The following HYDIN variants were observed in gnomAD, a reference collection of about 807,000 sequenced individuals.
HYDIN encodes the protein axonemal central pair apparatus protein HYDIN.
In HYDIN, 132 loss-of-function variants were observed where a neutral mutation model predicts 403.9. That is an observed-to-expected ratio of 0.33 (90% CI 0.28 to 0.38). HYDIN has a LOEUF of 0.38. Ranked by LOEUF, HYDIN falls within the 10% of genes least tolerant of loss-of-function variation. The pLI, the probability that HYDIN is intolerant of heterozygous loss-of-function variation, is 1.00. For synonymous variants in HYDIN, 1,202 were observed against 1,891.7 expected (o/e 0.64, Z 9.46); for missense variants, 2,827 against 5,009.5 (o/e 0.56, Z 13.15).
At chr16:71,145,258 T>A (rs78821655) in intron 7 of HYDIN, among the ~76,000 whole-genome samples, 1 of 139,776 alleles carries the variant, frequency 7.2e-6, no homozygotes, top group African/African-American at 2.7e-5. Context: ...GAATGATTAA[T>A]TTTTTTTTTT....
intron 18 of HYDIN, among the ~76,000 whole-genome samples, chr16:71,035,843 C>T (rs2081067434): frequency 6.6e-6 from 1 of 152,064 alleles, no homozygotes; most frequent in South Asian, 2.1e-4. Flanking sequence ...TCCATATTGA[C>T]ATCCAGCTGG....
intron 15 of HYDIN, chr16:71,066,754 G>C (rs2082283574): frequency 2.6e-6 from 1 of 384,230 alleles, no homozygotes; most frequent in African/African-American, 2.1e-5. Context: ...AAAAGAGAGA[G>C]GAGTTGGAGA....
At chr16:71,106,276 T>A (rs886512413) in intron 10 of HYDIN, among the ~76,000 whole-genome samples, 7 of 152,136 alleles carry the variant, frequency 4.6e-5, no homozygotes, top group Non-Finnish European at 8.8e-5. Context: ...TGCTTCTTCA[T>A]GTATTTTCAC....
At chr16:70,870,588 A>G (rs9930959) in intron 65 of HYDIN, among the ~76,000 whole-genome samples, 12,167 of 151,868 alleles carry the variant, frequency 0.08, 1,693 homozygotes, top group African/African-American at 0.28. Context: ...GGTGCACAGA[A>G]GTCAAGAATT....
intron 6 of HYDIN, among the ~76,000 whole-genome samples, chr16:71,156,594 G>A (rs2085777738): frequency 6.6e-6 from 1 of 152,140 alleles, no homozygotes; most frequent in Admixed American, 6.6e-5. Context: ...GAAAAATCAT[G>A]AGCCATGAGA....
chr16:71,041,897 GC>G (rs2081298359), intron 18 of HYDIN, among the ~76,000 whole-genome samples: 1 of 152,172 alleles, frequency 6.6e-6, no homozygotes, highest in Admixed American at 6.5e-5. Flanking sequence ...CTCTCTTGCT[GC>G]AGTCTCATTC....
chr16:71,188,072 C>T (rs1407183481), intron 1 of HYDIN, among the ~76,000 whole-genome samples: 1 of 152,182 alleles, frequency 6.6e-6, no homozygotes, highest in Non-Finnish European at 1.5e-5. Context: ...TATAGCCCCA[C>T]CCTTAACCAC....
intron 10 of HYDIN, among the ~76,000 whole-genome samples, chr16:71,106,287 A>G (rs1008960323): frequency 2.0e-5 from 3 of 152,132 alleles, no homozygotes; most frequent in Non-Finnish European, 4.4e-5. Flanking sequence ...GTATTTTCAC[A>G]AAGTATTTCC....
At chr16:70,888,184 C>A (rs1185644518) in intron 58 of HYDIN, among the ~76,000 whole-genome samples, 13 of 152,244 alleles carry the variant, frequency 8.5e-5, no homozygotes, top group Non-Finnish European at 1.9e-4. Context: ...ATAATTCTAA[C>A]ACCTCTCTCA....
At chr16:70,851,472 G>C (rs1366644305) in intron 73 of HYDIN, among the ~76,000 whole-genome samples, 4 of 148,104 alleles carry the variant, frequency 2.7e-5, no homozygotes, top group African/African-American at 5.3e-5. Flanking sequence ...AACGTATAAA[G>C]AAATGCTTCA....
Position 71,184,910 on chromosome 16 carries a change from T to C in HYDIN, c.216A>G (p.Pro72=), listed in dbSNP as rs2087073600. The change falls in exon 3 of 86, where the codon CCA becomes CCG. Residue 72 remains proline, a synonymous_variant. Coordinates refer to ENST00000393567, the MANE Select transcript of HYDIN (RefSeq NM_001270974.2). The stretch of plus-strand genomic sequence containing the variant: ...CCATATCTAAGAGTTCGATGATCTG[T>C]GGTCGGCACATCAAACGTGTTTTTG... ...RLAKTRLMCR[P]QIIELLDMGE... 2 of 1,610,866 alleles carry C rather than the reference T, an allele frequency of 1.2e-6. No individual in the cohort carries two copies. Among genetic ancestry groups the C allele is most frequent in the African/African-American group, 2.7e-5 (2 of 74,806 alleles).
intron 37 of HYDIN, among the ~76,000 whole-genome samples, chr16:70,964,185 G>A (rs1435418781): frequency 2.0e-5 from 3 of 148,012 alleles, no homozygotes; most frequent in African/African-American, 7.4e-5. Flanking sequence ...GGACAGCTCT[G>A]CGATTGGAGT....
intron 5 of HYDIN, among the ~76,000 whole-genome samples, chr16:71,171,795 G>A (rs551898097): frequency 6.6e-6 from 1 of 152,260 alleles, no homozygotes; most frequent in African/African-American, 2.4e-5. Context: ...CTTTTTACAT[G>A]CTCTTCTCAT....
At chr16:71,149,931 G>C (rs1346306157) in intron 7 of HYDIN, among the ~76,000 whole-genome samples, 1 of 149,306 alleles carries the variant, frequency 6.7e-6, no homozygotes, top group Non-Finnish European at 1.5e-5. Context: ...CTAGTGCCAA[G>C]GCTAGCCTTT....
chr16:70,865,134 G>A (rs7200639), intron 67 of HYDIN: 1 of 284,248 alleles, frequency 3.5e-6, no homozygotes, highest in Non-Finnish European at 7.0e-6. Context: ...GTCCTTGTAT[G>A]TGTTGCACAT....
chr16:71,222,723 T>C (rs1478359989), intron 1 of HYDIN, among the ~76,000 whole-genome samples: 4 of 152,080 alleles, frequency 2.6e-5, no homozygotes, highest in Non-Finnish European at 4.4e-5. Context: ...GAGCTCAATC[T>C]CTTTTACAAC....
At chr16:70,921,241 A>G (rs772531373) in intron 45 of HYDIN, 24 bp from the exon 46 acceptor site, 2 of 1,514,076 alleles carry the variant, frequency 1.3e-6, no homozygotes, top group South Asian at 2.7e-5. Context: ...CACAGAAAAG[A>G]TGCGTCAAAC....
At chr16:71,211,502 C>A (rs189098296) in intron 1 of HYDIN, among the ~76,000 whole-genome samples, 1 of 151,884 alleles carries the variant, frequency 6.6e-6, no homozygotes, top group Non-Finnish European at 1.5e-5. Context: ...ATTAGCCGGG[C>A]GTGGTGAGGG....
At position 71,039,137 on chromosome 16, in the gene HYDIN, A is replaced by G. The variant is rs1156449941; in HGVS notation, c.2530-7220T>C. Among the ~76,000 whole-genome samples the G allele has an allele frequency of 4.0e-5, 6 of 151,724 alleles. No individual in the cohort carries two copies. In the East Asian group the frequency reaches 7.8e-4, roughly 20 times the overall value. ...TTGAGAGTCTCATGACCTGGTAGTC[A>G]ACTATGGACTCTGCCATTCATAGCC... On this transcript the variant is annotated intron_variant, in intron 18 of 85. Transcript: ENST00000393567.
Sources: gnomAD v4.1 joint callset for allele counts (sites outside exome capture counted in the v4.1 genomes callset) on GRCh38, gnomAD v4.1.1 for gene constraint, MANE v1.5 for transcripts, NCBI Gene and HGNC (gene_info 2026-07-23, HGNC 2026-07-21) for gene names.